The following KCNIP4 variants were observed in gnomAD, a reference collection of about 807,000 sequenced individuals.
KCNIP4 encodes the protein potassium voltage-gated channel interacting protein 4.
A neutral mutation model predicts 34.0 loss-of-function variants in KCNIP4; 12 were observed. The ratio of observed to expected loss-of-function variants is 0.35; its 90% CI spans 0.23 to 0.57. The LOEUF is 0.57. Among genes scored for constraint, KCNIP4 ranks in the 20% least tolerant of loss-of-function variants. The pLI is 0.83. For synonymous variants in KCNIP4, 124 were observed against 102.2 expected (o/e 1.21, Z -1.29); for missense variants, 238 against 311.7 (o/e 0.76, Z 1.78).
At chr4:20,939,517 G>T (rs912137734) in intron 1 of KCNIP4, among the ~76,000 whole-genome samples, 6 of 151,990 alleles carry the variant, frequency 3.9e-5, no homozygotes, top group African/African-American at 1.5e-4. Flanking sequence ...GGGATTACAG[G>T]CATATACCAC....
intron 1 of KCNIP4, among the ~76,000 whole-genome samples, chr4:21,856,978 G>A (rs967741709): frequency 2.0e-5 from 3 of 152,144 alleles, no homozygotes; most frequent in Non-Finnish European, 4.4e-5. Context: ...GAGCTGGCCT[G>A]CTGGCACCAC....
intron 1 of KCNIP4, among the ~76,000 whole-genome samples, chr4:21,470,250 G>A (rs1577413523): frequency 6.6e-6 from 1 of 152,142 alleles, no homozygotes; most frequent in East Asian, 1.9e-4. Flanking sequence ...CTGGAGTGGA[G>A]AAGGGAGGGA....
intron 1 of KCNIP4, among the ~76,000 whole-genome samples, chr4:21,649,818 T>C (rs1356941151): frequency 6.6e-6 from 1 of 152,194 alleles, no homozygotes; most frequent in Non-Finnish European, 1.5e-5. Flanking sequence ...GTAGGGAATG[T>C]GCTGAATGTC....
intron 1 of KCNIP4, among the ~76,000 whole-genome samples, chr4:21,306,378 C>CT (rs1273425460): frequency 1.1e-4 from 16 of 152,046 alleles, no homozygotes; most frequent in Admixed American, 8.5e-4. Flanking sequence ...TTGTGACATT[C>CT]TTTTTTTTGA....
At chr4:20,947,334 A>G (rs1732293470) in intron 1 of KCNIP4, among the ~76,000 whole-genome samples, 1 of 151,922 alleles carries the variant, frequency 6.6e-6, no homozygotes, top group Non-Finnish European at 1.5e-5. Context: ...ACTCTCGGCT[A>G]ATTTTTGTAC....
intron 1 of KCNIP4, among the ~76,000 whole-genome samples, chr4:21,905,710 T>C (rs778064994): frequency 2.0e-5 from 3 of 152,334 alleles, no homozygotes; most frequent in East Asian, 3.9e-4. Flanking sequence ...GTGACCAGCA[T>C]GTGTGCACAT....
At chr4:21,450,413 T>G (rs1728420280) in intron 1 of KCNIP4, among the ~76,000 whole-genome samples, 3 of 152,164 alleles carry the variant, frequency 2.0e-5, no homozygotes, top group African/African-American at 4.8e-5. Flanking sequence ...CAAGAATAAA[T>G]GAACTGTCCA....
intron 1 of KCNIP4, among the ~76,000 whole-genome samples, chr4:21,734,224 A>G (rs1715820290): frequency 6.6e-6 from 1 of 152,176 alleles, no homozygotes; most frequent in Non-Finnish European, 1.5e-5. Flanking sequence ...AGTGTCTGCA[A>G]TCTGTCACTT....
At chr4:20,898,723 T>C (rs1174360192) in intron 1 of KCNIP4, among the ~76,000 whole-genome samples, 1 of 152,228 alleles carries the variant, frequency 6.6e-6, no homozygotes, top group African/African-American at 2.4e-5. Context: ...ACTGTAAGGA[T>C]GTGGTTAATG....
chr4:21,947,045 T>C (rs2109026171), intron 1 of KCNIP4, among the ~76,000 whole-genome samples: 1 of 152,216 alleles, frequency 6.6e-6, no homozygotes, highest in South Asian at 2.1e-4. Flanking sequence ...ATGCAAGCCA[T>C]CCAGATCCTG....
intron 1 of KCNIP4, among the ~76,000 whole-genome samples, chr4:21,742,266 A>G (rs1716463994): frequency 1.3e-5 from 2 of 152,114 alleles, no homozygotes; most frequent in South Asian, 4.1e-4. Context: ...AACTAATAGG[A>G]TCCCTTACTG....
intron 1 of KCNIP4, among the ~76,000 whole-genome samples, chr4:21,930,465 G>C (rs1729502822): frequency 6.6e-6 from 1 of 152,098 alleles, no homozygotes; most frequent in African/African-American, 2.4e-5. Context: ...AGAGCCTGCA[G>C]ATTTTAGTTT....
At chr4:21,104,497 CT>C (rs1194640627) in intron 1 of KCNIP4, among the ~76,000 whole-genome samples, 2 of 152,028 alleles carry the variant, frequency 1.3e-5, no homozygotes, top group Non-Finnish European at 2.9e-5. Flanking sequence ...GATATTAGCC[CT>C]TTGTCAGATG....
chr4:21,151,121 C>T (rs11939038), intron 1 of KCNIP4, among the ~76,000 whole-genome samples: 39,687 of 151,904 alleles, frequency 0.26, 5,771 homozygotes, highest in African/African-American at 0.38. Context: ...AAGGAAATAC[C>T]TGTGTTAGAA....
chr4:20,806,740 G>T (rs1329942616), intron 3 of KCNIP4, among the ~76,000 whole-genome samples: 1 of 152,028 alleles, frequency 6.6e-6, no homozygotes, highest in Non-Finnish European at 1.5e-5. Flanking sequence ...AATTTCAAAA[G>T]ATATTAAATA....
At chr4:20,839,727 G>A (rs1167088663) in intron 3 of KCNIP4, among the ~76,000 whole-genome samples, 3 of 149,440 alleles carry the variant, frequency 2.0e-5, no homozygotes, top group Admixed American at 6.6e-5. Flanking sequence ...GACAGGGTCT[G>A]TGCTTTTTGC....
intron 1 of KCNIP4, among the ~76,000 whole-genome samples, chr4:21,378,850 A>T (rs1034460163): frequency 6.6e-6 from 1 of 152,182 alleles, no homozygotes. Flanking sequence ...ACCTTTATAC[A>T]TACTACGTAG....
chr4:21,935,898 A>T (rs1247002597), intron 1 of KCNIP4, among the ~76,000 whole-genome samples: 2 of 151,906 alleles, frequency 1.3e-5, no homozygotes, highest in Admixed American at 1.3e-4. Context: ...CTTAACATAG[A>T]TTTGAGTACA....
At chr4:21,175,146 A>C (rs1754310990) in intron 1 of KCNIP4, among the ~76,000 whole-genome samples, 1 of 152,118 alleles carries the variant, frequency 6.6e-6, no homozygotes, top group Admixed American at 6.5e-5. Context: ...CTTAAAAAAA[A>C]AAACTCTGCA....
Sources: gnomAD v4.1 joint callset for allele counts (sites outside exome capture counted in the v4.1 genomes callset) on GRCh38, gnomAD v4.1.1 for gene constraint, MANE v1.5 for transcripts, NCBI Gene and HGNC (gene_info 2026-07-23, HGNC 2026-07-21) for gene names.